The following MAPK3 variants were observed in gnomAD, a reference collection of about 807,000 sequenced individuals.
MAPK3 encodes the protein mitogen-activated protein kinase 3, also known as MAPK 1.
A neutral mutation model predicts 41.8 loss-of-function variants in MAPK3; 30 were observed. The observed-to-expected ratio is 0.72, with a 90% CI of 0.54 to 0.97. MAPK3 has a LOEUF of 0.97. Ranked by LOEUF, MAPK3 falls within the 50% of genes least tolerant of loss-of-function variation. The pLI is 0.00. For missense variants in MAPK3, 413 were observed against 509.9 expected, an observed-to-expected ratio of 0.81 and a Z score of 1.83; for synonymous variants, 222 against 213.4, an observed-to-expected ratio of 1.04 and a Z score of -0.35.
rs2151045979 is a variant in MAPK3, at chr16:30,118,471, C to A, written c.421G>T (p.Asp141Tyr). The change falls in exon 3 of 9, where the codon GAC becomes TAC. Residue 141 changes from aspartate to tyrosine, a missense_variant. Asp to Tyr is a radical substitution (Grantham distance 160, BLOSUM62 -3). This residue lies in a region of MAPK3 where 140 missense variants were observed against 206.0 expected (regional missense o/e 0.68). Transcript: ENST00000263025. ...TGGTAGAGGAAGTAGCAGATATGGT[C>A]ATTGCTCAGCTGCTGGCTTTTCAGC... ...KLLKSQQLSNDHICYFLYQIL... is the reference protein window; with the variant it reads ...KLLKSQQLSNYHICYFLYQIL... The A allele has an allele frequency of 6.2e-7, 1 of 1,613,996 alleles. No homozygotes were observed. The highest frequency in any genetic ancestry group is 1.1e-5 in the South Asian group (1 of 91,062).
rs1170583849 is a variant in MAPK3 at position 30,114,495 on chromosome 16, G to C, written c.*246C>G. 1 of 145,002 alleles carries C rather than the reference G, an allele frequency of 6.9e-6. No homozygotes were observed. The highest frequency in any genetic ancestry group is 2.3e-4 in the East Asian group (1 of 4,284). 9.0% of individuals were successfully genotyped at this position (145,002 alleles called of 1,614,324 possible). A position where few individuals can be genotyped will look rare whatever the true frequency, so the allele number is the denominator to read the frequency against. On this transcript the variant is annotated 3_prime_UTR_variant, in exon 9 of 9. Transcript: ENST00000263025. ...GGTAAGGGCGCAGCAGCAGCAGCGGGAGATTGAACTGGGGCCACCTGAGGT... is the reference window on the plus strand; with the variant it reads ...GGTAAGGGCGCAGCAGCAGCAGCGGCAGATTGAACTGGGGCCACCTGAGGT...
chr16:30,117,978 GC>G (rs2062981294), intron 4 of MAPK3, 68 bp downstream of exon 4: 1 of 1,407,228 alleles, frequency 7.1e-7, no homozygotes. Flanking sequence ...TCAGTGTCTG[GC>G]TCAGAGGTAG....
chr16:30,118,330 A>C lies in MAPK3; in HGVS notation c.543+19T>G, dbSNP rs1596880159. On this transcript the variant is annotated intron_variant, in intron 3 of 8. Transcript: ENST00000263025. ...CCCAGACCCTGGGGGAGGAGGGGACAGGTGCCCAACCCTCTGACCTTAAGG... is the reference window on the plus strand; with the variant it reads ...CCCAGACCCTGGGGGAGGAGGGGACCGGTGCCCAACCCTCTGACCTTAAGG... 6.2e-7 allele frequency: 1 copy of C among 1,605,478 alleles called. No individual in the cohort carries two copies. Among genetic ancestry groups the C allele is most frequent in the Non-Finnish European group, 8.5e-7 (1 of 1,175,300 alleles).
chr16:30,122,893 C>T, intron 1 of MAPK3, 147 bp downstream of exon 1: 1 of 720,744 alleles, frequency 1.4e-6, no homozygotes, highest in Non-Finnish European at 2.0e-6. Context: ...GGGCCCCCTC[C>T]CTGGGACGCT....
chr16:30,117,699 T>C lies in MAPK3; in HGVS notation c.746A>G (p.His249Arg), dbSNP rs1567354917. 1 of 1,614,036 alleles carries C rather than the reference T, an allele frequency of 6.2e-7. No individual in the cohort carries two copies. Among genetic ancestry groups the C allele is most frequent in the Non-Finnish European group, 8.5e-7 (1 of 1,179,968 alleles). The change falls in exon 5 of 9, where the codon CAC becomes CGC. Residue 249 changes from histidine (H) to arginine (R), a missense_variant. Around this residue, in one of 4 missense-constraint regions of MAPK3, gnomAD observed 5 missense variants for 23.1 expected, o/e 0.22. Coordinates refer to ENST00000263025, the MANE Select transcript of MAPK3 (RefSeq NM_002746.3). ...LSNRPIFPGKHYLDQLNHILG... is the reference protein window; with the variant it reads ...LSNRPIFPGKRYLDQLNHILG... Reference sequence around the variant, plus strand: ...AATGTGGTTGAGCTGATCCAGGTAGTGCTTGCCAGGGAAGATGGGCCGGTT... The same window carrying C: ...AATGTGGTTGAGCTGATCCAGGTAGCGCTTGCCAGGGAAGATGGGCCGGTT...
In MAPK3 at chr16:30,118,532, A is replaced by G. The variant is rs2072982891; in HGVS notation, c.360T>C (p.Ile120=). ...STLEAMRDVY[I]VQDLMETDLY... ...GGTCAGTCTCCATCAGGTCCTGCAC[A>G]ATGTAGCTGAGGATGGTTCCGCAGA... The change falls in exon 3 of 9, where the codon ATT becomes ATC. Residue 120 remains isoleucine, a synonymous_variant. Transcript: ENST00000263025. 2 of 1,611,826 alleles carry G rather than the reference A, an allele frequency of 1.2e-6. No individual in the cohort carries two copies. Among genetic ancestry groups the G allele is most frequent in the Non-Finnish European group, 1.7e-6 (2 of 1,178,968 alleles).
chr16:30,116,550 G>A (rs1461982057), intron 8 of MAPK3, 86 bp downstream of exon 8: 29 of 1,386,138 alleles, frequency 2.1e-5, no homozygotes, highest in Non-Finnish European at 2.9e-5. Context: ...CTGTATGGAG[G>A]CATGTACAGA....
At chr16:30,117,530 GATA>G in intron 5 of MAPK3, 137 bp downstream of exon 5, 3 of 755,758 alleles carry the variant, frequency 4.0e-6, no homozygotes, top group Non-Finnish European at 6.9e-6. Flanking sequence ...ATCCAATGGG[GATA>G]ATATCTATAC....
rs537674146 is a variant in MAPK3, at chr16:30,120,527, C to G, written c.353+1297G>C. Among the ~76,000 whole-genome samples the G allele has an allele frequency of 2.3e-3, 347 of 152,174 alleles. 3 individuals carry two copies. Among genetic ancestry groups the G allele is most frequent in the Non-Finnish European group, 4.4e-3 (299 of 67,982 alleles). ...GGGAGGACAGCCAAGGCTAGGCTGT[C>G]CCTCCCTGGGCAAGGTGCAAGTCCA... On this transcript the variant is annotated intron_variant, in intron 2 of 8. Transcript: ENST00000263025.
At position 30,123,157 on chromosome 16, in the gene MAPK3, T is replaced by G; in HGVS notation, c.53A>C (p.Glu18Ala). 7.0e-7 allele frequency: 1 copy of G among 1,422,016 alleles called. No homozygotes were observed. The highest frequency in any genetic ancestry group is 9.4e-7 in the Non-Finnish European group (1 of 1,062,008). 88.1% of individuals were successfully genotyped at this position (1,422,016 alleles called of 1,614,324 possible). ...CCCCGGGACCCCCGGGCCGACCCCC[T>G]CGGTTCTACGGGGCTCCCCGCCCCC... Reference protein sequence around the residue: ...GGGGGEPRRTEGVGPGVPGEV... With the variant: ...GGGGGEPRRTAGVGPGVPGEV... The change falls in exon 1 of 9, where the codon GAG becomes GCG. Residue 18 changes from glutamate to alanine, a missense_variant. Around this residue, in one of 4 missense-constraint regions of MAPK3, gnomAD observed 145 missense variants for 133.0 expected, o/e 1.09. Coordinates refer to ENST00000263025, the MANE Select transcript of MAPK3 (RefSeq NM_002746.3).
intron 2 of MAPK3, 120 bp from the exon 3 acceptor site, chr16:30,118,658 A>AT (rs1316849691): frequency 1.4e-6 from 1 of 727,060 alleles, no homozygotes; most frequent in African/African-American, 1.8e-5. Context: ...GGGACTCAAT[A>AT]GATCTGCCAA....
rs557646784 is a variant in MAPK3 at position 30,122,951 on chromosome 16, A to G, written c.170+89T>C. 111 of 1,163,590 alleles carry G rather than the reference A, an allele frequency of 9.5e-5. No individual in the cohort carries two copies. The African/African-American group carries it at 1.7e-3, about 18-fold the overall frequency. The allele number at this position is 1,163,590 out of a possible 1,614,324, so 72.1% of individuals were successfully genotyped here. A position where few individuals can be genotyped will look rare whatever the true frequency, so the allele number is the denominator to read the frequency against. On this transcript the variant is annotated intron_variant, in intron 1 of 8. Transcript: ENST00000263025. ...CCTCCTCGGGACGCTCCGCGTCTCC[A>G]CGTCCCGGAAAGCGCTCGGCGCCTC...
At chr16:30,119,884 TG>T (rs2072997967) in intron 2 of MAPK3, among the ~76,000 whole-genome samples, 1 of 152,178 alleles carries the variant, frequency 6.6e-6, no homozygotes, top group African/African-American at 2.4e-5. Context: ...GAATCTGCCT[TG>T]AGACCAGGCA....
At position 30,118,171 on chromosome 16, in the gene MAPK3, C is replaced by G. The variant is rs1472606095; in HGVS notation, c.544-8G>C. On this transcript the variant is annotated splice_region_variant and splice_polypyrimidine_tract_variant and intron_variant, in intron 3 of 8. Coordinates refer to ENST00000263025, the MANE Select transcript of MAPK3 (RefSeq NM_002746.3). ...CAGGCCGAAATCACAAATCTGGAATCAGACCTAGCTGCTAAGCTCGGCGCT... is the reference window on the plus strand; with the variant it reads ...CAGGCCGAAATCACAAATCTGGAATGAGACCTAGCTGCTAAGCTCGGCGCT... 2 of 1,612,962 alleles carry G rather than the reference C, an allele frequency of 1.2e-6. No individual in the cohort carries two copies. The highest frequency in any genetic ancestry group is 2.7e-5 in the African/African-American group (2 of 74,926).
chr16:30,117,992 C>G (rs778765948), intron 4 of MAPK3, 55 bp downstream of exon 4: 2 of 1,516,298 alleles, frequency 1.3e-6, no homozygotes, highest in African/African-American at 2.7e-5. Flanking sequence ...AGAGGTAGCT[C>G]CAGGGCTTCC....
rs2072956474 is a variant in MAPK3, at chr16:30,116,642, C to T, written c.*26G>A. 1 of 1,611,506 alleles carries T rather than the reference C, an allele frequency of 6.2e-7. No homozygotes were observed. The highest frequency in any genetic ancestry group is 8.5e-7 in the Non-Finnish European group (1 of 1,179,690). ...GGGCCATGGAGACACTCACCAGGCC[C>T]CAGGGTGCAGAGATGTCTGTCTGGG... On this transcript the variant is annotated 3_prime_UTR_variant, in exon 8 of 9. Transcript: ENST00000263025.
In MAPK3 at chr16:30,123,145, G is replaced by A. The variant is rs770120964; in HGVS notation, c.65C>T (p.Pro22Leu). 1.3e-6 allele frequency: 2 copies of A among 1,504,914 alleles called. No homozygotes were observed. Among genetic ancestry groups the A allele is most frequent in the Non-Finnish European group, 1.8e-6 (2 of 1,121,670 alleles). 93.2% of individuals were successfully genotyped at this position (1,504,914 alleles called of 1,614,324 possible). The change falls in exon 1 of 9, where the codon CCG (proline) becomes CTG (leucine). Residue 22 changes from proline (P) to leucine (L), a missense_variant. Coordinates refer to ENST00000263025, the MANE Select transcript of MAPK3 (RefSeq NM_002746.3). ...CATCTCCACCTCCCCCGGGACCCCCGGGCCGACCCCCTCGGTTCTACGGGG... is the reference window on the plus strand; with the variant it reads ...CATCTCCACCTCCCCCGGGACCCCCAGGCCGACCCCCTCGGTTCTACGGGG... ...GEPRRTEGVG[P>L]GVPGEVEMVK...
intron 3 of MAPK3, 72 bp from the exon 4 acceptor site, chr16:30,118,235 T>C (rs2072979696): frequency 1.3e-6 from 2 of 1,571,700 alleles, no homozygotes; most frequent in African/African-American, 1.3e-5. Context: ...CCCCCTTGTC[T>C]TTGCCTCCAC....
At chr16:30,118,760 G>T (rs943460728) in intron 2 of MAPK3, among the ~76,000 whole-genome samples, 1 of 152,142 alleles carries the variant, frequency 6.6e-6, no homozygotes, top group African/African-American at 2.4e-5. Context: ...TGAGCAAGGG[G>T]CTTCATTTCT....
Sources: allele counts gnomAD v4.1 joint callset (sites outside exome capture counted in the v4.1 genomes callset), GRCh38; gene constraint gnomAD v4.1.1; regional missense constraint gnomAD v4.1.1; transcripts MANE v1.5; gene names NCBI Gene and HGNC (gene_info 2026-07-23, HGNC 2026-07-21).